Variants in CPNE2 observed in about 807,000 individuals in gnomAD.
CPNE2 encodes copine 2.
CPNE2 carries 42 observed loss-of-function variants against 69.7 expected under a neutral mutation model. The ratio of observed to expected loss-of-function variants is 0.60; its 90% confidence interval spans 0.47 to 0.78. CPNE2 has a LOEUF of 0.78. Among genes scored for constraint, CPNE2 ranks in the 30% least tolerant of loss-of-function variants. The probability of loss-of-function intolerance (pLI) is 0.00; values close to 1 mark genes in which losing one functional copy is unlikely to be tolerated. For synonymous variants in CPNE2, 294 were observed against 289.8 expected (o/e 1.01, Z -0.15); for missense variants, 587 against 732.0 (o/e 0.80, Z 2.29).
chr16:57,117,452 AG>A, intron 4 of CPNE2, 43 bp from the exon 5 acceptor site: 7 of 1,594,394 alleles, frequency 4.4e-6, no homozygotes, highest in Non-Finnish European at 6.0e-6. Context: ...GCCTGGCAGG[AG>A]GCTGGGGGAG....
At chr16:57,100,898 T>C (rs1397700797) in intron 1 of CPNE2, among the ~76,000 whole-genome samples, 1 of 152,170 alleles carries the variant, frequency 6.6e-6, no homozygotes, top group Non-Finnish European at 1.5e-5. Flanking sequence ...TCCTGCCCCA[T>C]GACAGATCTC....
At chr16:57,114,918 G>A (rs1360136845) in intron 3 of CPNE2, among the ~76,000 whole-genome samples, 1 of 113,152 alleles carries the variant, frequency 8.8e-6, no homozygotes, top group Non-Finnish European at 1.7e-5. Context: ...GCAACATAAT[G>A]AGCCCTTGTC....
At position 57,102,128 on chromosome 16, in the gene CPNE2, T is replaced by C. The variant is rs1182278541; in HGVS notation, c.-35-8580T>C. Among the ~76,000 whole-genome samples, 3 of 152,078 alleles carry C rather than the reference T, an allele frequency of 2.0e-5. No individual in the cohort carries two copies. The East Asian group carries it at 5.8e-4, about 29-fold the overall frequency. On this transcript the variant is annotated intron_variant, in intron 1 of 15. Coordinates refer to ENST00000290776, the MANE Select transcript of CPNE2 (RefSeq NM_152727.6). ...ATGCCCAGCTAATTTTTTTTTGCCATTTTTTGTAGAGACAGGGTTTCACTA... is the reference window on the plus strand; with the variant it reads ...ATGCCCAGCTAATTTTTTTTTGCCACTTTTTGTAGAGACAGGGTTTCACTA...
intron 5 of CPNE2, 30 bp from the exon 6 acceptor site, chr16:57,119,165 C>A: frequency 6.3e-7 from 1 of 1,599,596 alleles, no homozygotes; most frequent in Non-Finnish European, 8.6e-7. Context: ...GGCTGTACCT[C>A]TCTCACCCGC....
At chr16:57,116,706 T>A (rs2069721722) in intron 4 of CPNE2, among the ~76,000 whole-genome samples, 1 of 152,124 alleles carries the variant, frequency 6.6e-6, no homozygotes, top group Non-Finnish European at 1.5e-5. Flanking sequence ...GGGGTGATAA[T>A]AGGACCTACC....
rs1330835877 is a variant in CPNE2 at position 57,123,465 on chromosome 16, A to G, written c.919A>G (p.Met307Val). 17 of 1,612,528 alleles carry G rather than the reference A, an allele frequency of 1.1e-5. No individual in the cohort carries two copies. Among genetic ancestry groups the G allele is most frequent in the Non-Finnish European group, 1.4e-5 (16 of 1,179,460 alleles). ...LDYILGGCQL[M>V]FTVGIDFTAS... is the part of the protein sequence containing the mutation. ...CTACATCCTGGGAGGCTGCCAGCTC[A>G]TGTTCACCGTAAGGCTCTCCCCGCT... Residue 307 changes from methionine to valine, a missense_variant, in exon 10 of 16, where the codon ATG becomes GTG. By Grantham distance (21) the Met-to-Val change is conservative. This residue lies in a region of CPNE2 where 269 missense variants were observed against 300.5 expected (regional missense o/e 0.90). Transcript: ENST00000290776.
At chr16:57,132,830 A>G (rs2069847645) in intron 12 of CPNE2, among the ~76,000 whole-genome samples, 3 of 152,216 alleles carry the variant, frequency 2.0e-5, no homozygotes, top group Admixed American at 2.0e-4. Context: ...CAGCTATGAA[A>G]TGGAGTTGCT....
chr16:57,147,356 C>T (rs1379673131), intron 15 of CPNE2, 195 bp from the exon 16 acceptor site: 4 of 409,742 alleles, frequency 9.8e-6, no homozygotes, highest in East Asian at 3.5e-5. Context: ...GAAGGCACTG[C>T]GATCAGGGGG....
intron 1 of CPNE2, among the ~76,000 whole-genome samples, chr16:57,099,074 G>C (rs1338266838): frequency 6.6e-6 from 1 of 152,076 alleles, no homozygotes; most frequent in Non-Finnish European, 1.5e-5. Flanking sequence ...AAACAGACAC[G>C]ACCAGCACCA....
At chr16:57,105,232 G>T (rs1203035823) in intron 1 of CPNE2, among the ~76,000 whole-genome samples, 2 of 152,184 alleles carry the variant, frequency 1.3e-5, no homozygotes, top group African/African-American at 4.8e-5. Flanking sequence ...GCTTGAAGGT[G>T]AAATCAGCAG....
chr16:57,102,993 A>G (rs1399731291), intron 1 of CPNE2, among the ~76,000 whole-genome samples: 4 of 152,088 alleles, frequency 2.6e-5, no homozygotes, highest in Non-Finnish European at 4.4e-5. Context: ...TCTTCCCCAG[A>G]CATTAAGAAT....
chr16:57,121,785 G>A, intron 9 of CPNE2, 25 bp downstream of exon 9: 1 of 1,606,918 alleles, frequency 6.2e-7, no homozygotes, highest in Non-Finnish European at 8.5e-7. Flanking sequence ...GCAAGCACGA[G>A]CCAGGGGCCA....
Position 57,127,870 on chromosome 16 carries a change from G to A in CPNE2, c.1083G>A (p.Leu361=), listed in dbSNP as rs2069811612. ...TTAGTGATAAGATGTTTCCAGCTCTGGGATTCGGGGCCCAGTTACCCCCAG... is the reference window on the plus strand; with the variant it reads ...TTAGTGATAAGATGTTTCCAGCTCTAGGATTCGGGGCCCAGTTACCCCCAG... ...DYDSDKMFPA[L]GFGAQLPPDW... The change falls in exon 12 of 16, where the codon CTG becomes CTA. Residue 361 remains leucine (L), a synonymous_variant. Transcript: ENST00000290776. 6.2e-7 allele frequency: 1 copy of A among 1,613,440 alleles called. No homozygotes were observed. The highest frequency in any genetic ancestry group is 1.7e-5 in the Admixed American group (1 of 59,988).
chr16:57,125,414 G>T, intron 10 of CPNE2: 1 of 452,928 alleles, frequency 2.2e-6, no homozygotes. Flanking sequence ...GGCTTGGGTT[G>T]GGGGTGAGGT....
At chr16:57,093,910 C>A (rs765030326) in intron 1 of CPNE2, 7 of 375,100 alleles carry the variant, frequency 1.9e-5, no homozygotes, top group Non-Finnish European at 3.7e-5. Flanking sequence ...GATGGGGAGG[C>A]CTGGGAGACC....
intron 12 of CPNE2, 110 bp downstream of exon 12, chr16:57,128,013 T>G: frequency 4.6e-6 from 5 of 1,075,620 alleles, no homozygotes; most frequent in Non-Finnish European, 7.1e-6. Flanking sequence ...TTGCCCTGCC[T>G]TCCCTGTGTT....
intron 10 of CPNE2, chr16:57,125,634 A>T (rs1158538979): frequency 3.4e-6 from 2 of 581,402 alleles, no homozygotes; most frequent in Non-Finnish European, 6.1e-6. Context: ...ATGTCATCAC[A>T]TCTAGGCAGT....
intron 10 of CPNE2, chr16:57,124,802 G>C (rs991807382): frequency 4.6e-6 from 1 of 218,692 alleles, no homozygotes; most frequent in Non-Finnish European, 9.5e-6. Flanking sequence ...CATGGAGTCA[G>C]AGGATTGGCC....
chr16:57,139,449 A>C (rs1201653287), intron 14 of CPNE2, among the ~76,000 whole-genome samples: 2 of 152,208 alleles, frequency 1.3e-5, no homozygotes, highest in Non-Finnish European at 2.9e-5. Flanking sequence ...CCTAAACTGT[A>C]ATTTCCAATC....
Sources: allele counts gnomAD v4.1 joint callset (sites outside exome capture counted in the v4.1 genomes callset), GRCh38; gene constraint gnomAD v4.1.1; regional missense constraint gnomAD v4.1.1; transcripts MANE v1.5; gene names NCBI Gene and HGNC (gene_info 2026-07-23, HGNC 2026-07-21).